The following CHD2 variants were observed in gnomAD, a reference collection of about 807,000 sequenced individuals.
CHD2 encodes ATP-dependent chromatin remodeler CHD2.
Under a neutral mutation model 243.9 loss-of-function variants are expected in CHD2, and 28 were observed. The ratio of observed to expected loss-of-function variants is 0.11; its 90% CI spans 0.09 to 0.16. CHD2 has a LOEUF of 0.16. Ranked by LOEUF, CHD2 falls within the 10% of genes least tolerant of loss-of-function variation. The pLI is 1.00. For synonymous variants in CHD2, 775 were observed against 779.0 expected (o/e 0.99, Z 0.09); for missense variants, 1,386 against 2,209.8 (o/e 0.63, Z 7.47).
At position 93,014,681 on chromosome 15, in the gene CHD2, C is replaced by T; in HGVS notation, c.4693-15C>T. On this transcript the variant is annotated splice_polypyrimidine_tract_variant and intron_variant, in intron 36 of 38. Coordinates refer to ENST00000394196, the MANE Select transcript of CHD2 (RefSeq NM_001271.4). The stretch of plus-strand genomic sequence containing the variant: ...CTGGGATCTTGAGCTTCTTTGGTTT[C>T]CTTTTACTCTTTAGGAGCAAAAGAA... The T allele has an allele frequency of 6.2e-7, 1 of 1,610,738 alleles. No individual in the cohort carries two copies. Among genetic ancestry groups the T allele is most frequent in the Non-Finnish European group, 8.5e-7 (1 of 1,178,146 alleles).
chr15:92,991,749 A>G, intron 27 of CHD2: 1 of 399,386 alleles, frequency 2.5e-6, no homozygotes, highest in Non-Finnish European at 4.4e-6. Context: ...CACCTTCGTG[A>G]GGGAGATAAA....
rs1004300052 is a variant in CHD2 at position 92,937,413 on chromosome 15, C to G, written c.444-105C>G. On this transcript the variant is annotated intron_variant, in intron 5 of 38. Coordinates refer to ENST00000394196, the MANE Select transcript of CHD2 (RefSeq NM_001271.4). ...TCTCTTTTAGCATGTCTAAAATGTGCATGTTCTGCCCTTTGGATAGTAAAA... is the reference window on the plus strand; with the variant it reads ...TCTCTTTTAGCATGTCTAAAATGTGGATGTTCTGCCCTTTGGATAGTAAAA... 11 of 720,064 alleles carry G rather than the reference C, an allele frequency of 1.5e-5. No individual in the cohort carries two copies. In the African/African-American group the frequency reaches 2.0e-4, roughly 13 times the overall value. The allele number at this position is 720,064 out of a possible 1,614,324, so 44.6% of individuals were successfully genotyped here.
In CHD2 at chr15:93,026,601, C is replaced by G. The variant is rs2054588284; in HGVS notation, c.*1896C>G. 1 of 152,342 alleles carries G rather than the reference C, an allele frequency of 6.6e-6. No individual in the cohort carries two copies. Among genetic ancestry groups the G allele is most frequent in the Non-Finnish European group, 1.5e-5 (1 of 68,104 alleles). 9.4% of individuals were successfully genotyped at this position (152,342 alleles called of 1,614,324 possible). A position where few individuals can be genotyped will look rare whatever the true frequency, so the allele number is the denominator to read the frequency against. On this transcript the variant is annotated 3_prime_UTR_variant, in exon 39 of 39. Transcript: ENST00000394196. ...AAGCTCCGGTGACTGCATGAGCCAC[C>G]TGGCCACAGTCCTCCCATGGAGGGC...
At chr15:93,016,779 C>CAAAAAAA (rs58103362) in intron 37 of CHD2, among the ~76,000 whole-genome samples, 8 of 77,986 alleles carry the variant, frequency 1.0e-4, no homozygotes, top group African/African-American at 1.3e-4. Flanking sequence ...GAGACCGTCT[C>CAAAAAAA]AAAAAAAAAA....
At chr15:93,017,557 A>G (rs1167041510) in intron 37 of CHD2, among the ~76,000 whole-genome samples, 1 of 140,780 alleles carries the variant, frequency 7.1e-6, no homozygotes, top group Non-Finnish European at 1.5e-5. Context: ...ATGTTGGCCA[A>G]GGTGGTCTTG....
At chr15:92,950,371 C>G (rs1234934892) in intron 13 of CHD2, 1 of 152,118 alleles carries the variant, frequency 6.6e-6, no homozygotes, top group East Asian at 1.9e-4. Flanking sequence ...TCCATTAGTC[C>G]TCGAGAATTT....
Position 93,020,625 on chromosome 15 carries a change from G to A in CHD2, c.5153+367G>A, listed in dbSNP as rs112164027. The A allele has an allele frequency of 1.7e-4, 70 of 413,538 alleles. 1 individual carries two copies. Among genetic ancestry groups the A allele is most frequent in the African/African-American group, 6.4e-4 (32 of 50,036 alleles). 25.6% of individuals were successfully genotyped at this position (413,538 alleles called of 1,614,324 possible). A position where few individuals can be genotyped will look rare whatever the true frequency, so the allele number is the denominator to read the frequency against. Reference sequence around the variant, plus strand: ...CCAGCCCACAGTCCTTACCTGCCACGAGCCCATAATTGAAGAGTCAAAGTC... The same window carrying A: ...CCAGCCCACAGTCCTTACCTGCCACAAGCCCATAATTGAAGAGTCAAAGTC... On this transcript the variant is annotated intron_variant, in intron 38 of 38. Coordinates refer to ENST00000394196, the MANE Select transcript of CHD2 (RefSeq NM_001271.4).
chr15:92,904,712 A>T (rs1010888836), intron 2 of CHD2: 3 of 1,394,088 alleles, frequency 2.2e-6, no homozygotes, highest in Non-Finnish European at 9.3e-7. Flanking sequence ...CTATTTGGAA[A>T]TCTTAAAATA....
chr15:92,979,336 C>A (rs1045848411), intron 22 of CHD2, 53 bp downstream of exon 22: 3 of 1,587,512 alleles, frequency 1.9e-6, no homozygotes, highest in Non-Finnish European at 2.6e-6. Flanking sequence ...TTCTACATCA[C>A]TGTTGGATAT....
Position 92,900,812 on chromosome 15 carries a change from C to CT in CHD2, c.-83dup, listed in dbSNP as rs1179011502. The stretch of plus-strand genomic sequence containing the variant: ...AGATAGGACTCTTGGTTTGGACATA[C>CT]TACATGGATCAGGTAAGTTCACGAT... On this transcript the variant is annotated 5_prime_UTR_variant, in exon 1 of 39. Transcript: ENST00000394196. The CT allele has an allele frequency of 4.3e-5, 17 of 398,138 alleles. No individual in the cohort carries two copies. The highest frequency in any genetic ancestry group is 3.5e-4 in the African/African-American group (17 of 48,344). 24.7% of individuals were successfully genotyped at this position (398,138 alleles called of 1,614,324 possible).
chr15:92,925,819 T>G (rs1048121645), intron 3 of CHD2, among the ~76,000 whole-genome samples: 1 of 152,256 alleles, frequency 6.6e-6, no homozygotes, highest in Non-Finnish European at 1.5e-5. Context: ...TTGGGTTATG[T>G]GATTACATTG....
At position 93,025,857 on chromosome 15, in the gene CHD2, A is replaced by T. The variant is rs1442618741; in HGVS notation, c.*1152A>T. 2 of 151,220 alleles carry T rather than the reference A, an allele frequency of 1.3e-5. No individual in the cohort carries two copies. The highest frequency in any genetic ancestry group is 3.0e-5 in the Non-Finnish European group (2 of 67,616). The allele number at this position is 151,220 out of a possible 1,614,324, so 9.4% of individuals were successfully genotyped here. A position where few individuals can be genotyped will look rare whatever the true frequency, so the allele number is the denominator to read the frequency against. ...AATAGAGTAGACAGAATCACACATC[A>T]TGTGGTGGGCAGATGGAAATAAGTA... On this transcript the variant is annotated 3_prime_UTR_variant, in exon 39 of 39. Coordinates refer to ENST00000394196, the MANE Select transcript of CHD2 (RefSeq NM_001271.4).
At chr15:92,941,691 A>G in intron 7 of CHD2, 131 bp from the exon 8 acceptor site, 1 of 870,142 alleles carries the variant, frequency 1.1e-6, no homozygotes, top group East Asian at 2.7e-5. Flanking sequence ...CCTACTGTAA[A>G]TGGCAGATCT....
chr15:92,975,980 A>G (rs1009279182), intron 20 of CHD2, among the ~76,000 whole-genome samples: 2 of 152,160 alleles, frequency 1.3e-5, no homozygotes, highest in African/African-American at 4.8e-5. Flanking sequence ...GTAAAATCAC[A>G]ATGATTCTGA....
At chr15:92,939,516 T>C (rs767246778) in intron 6 of CHD2, 62 bp from the exon 7 acceptor site, 236 of 1,548,100 alleles carry the variant, frequency 1.5e-4, no homozygotes, top group Non-Finnish European at 2.0e-4. Flanking sequence ...AATACTGTTA[T>C]ATAAAGTAGA....
At chr15:92,924,663 A>AT (rs1334330092) in intron 3 of CHD2, 111 bp downstream of exon 3, 7 of 862,868 alleles carry the variant, frequency 8.1e-6, no homozygotes, top group South Asian at 1.5e-5. Flanking sequence ...ACCTACAGCC[A>AT]TTTTTTCTAG....
rs201394058 is a variant in CHD2, at chr15:92,942,340, G to GT, written c.826+387dup. 8.4e-3 allele frequency among the ~76,000 whole-genome samples: 1,274 copies of GT among 150,904 alleles called. 11 individuals are homozygous for GT. Among genetic ancestry groups the GT allele is most frequent in the Middle Eastern group, 0.049 (14 of 288 alleles). On this transcript the variant is annotated intron_variant, in intron 8 of 38. Transcript: ENST00000394196. ...TCTAATTTAGATATCTCATAACTAA[G>GT]TTGCATTAAAGTAAACTTTCTGTAA...
rs532903862 is a variant in CHD2 at position 93,001,338 on chromosome 15, G to A, written c.4137+698G>A. On this transcript the variant is annotated intron_variant, in intron 32 of 38. Transcript: ENST00000394196. ...TGGGTCAGGTTTGGCTTGCCAGTTTGTAACCTCTGGTCTAAGTAAAGTGAA... is the reference window on the plus strand; with the variant it reads ...TGGGTCAGGTTTGGCTTGCCAGTTTATAACCTCTGGTCTAAGTAAAGTGAA... 2.6e-5 allele frequency among the ~76,000 whole-genome samples: 4 copies of A among 152,246 alleles called. No individual in the cohort carries two copies. The South Asian group carries it at 8.3e-4, about 32-fold the overall frequency.
chr15:92,919,056 G>A lies in CHD2; in HGVS notation c.63-5265G>A, dbSNP rs58469905. 5.7e-3 allele frequency among the ~76,000 whole-genome samples: 870 copies of A among 152,140 alleles called. 14 individuals carry two copies. Among genetic ancestry groups the A allele is most frequent in the African/African-American group, 0.02 (827 of 41,488 alleles). On this transcript the variant is annotated intron_variant, in intron 2 of 38. Transcript: ENST00000394196. ...TTTTTAGTACAGGCTGGGTTTCACC[G>A]TGTTGGCCAGGCTGGTCTTGAACTC... is the stretch of plus-strand genomic sequence containing the variant.
Sources: allele counts gnomAD v4.1 joint callset (sites outside exome capture counted in the v4.1 genomes callset), GRCh38; gene constraint gnomAD v4.1.1; transcripts MANE v1.5; gene names NCBI Gene and HGNC (gene_info 2026-07-23, HGNC 2026-07-21).